The following MGAT5 variants were observed in gnomAD, a reference collection of about 807,000 sequenced individuals.
MGAT5 encodes the protein alpha-1,6-mannosylglycoprotein 6-beta-N-acetylglucosaminyltransferase.
MGAT5 carries 30 observed loss-of-function variants against 94.3 expected under a neutral mutation model. The ratio of observed to expected loss-of-function variants is 0.32; its 90% confidence interval spans 0.24 to 0.43. The LOEUF is 0.43. Among genes scored for constraint, MGAT5 ranks in the 20% least tolerant of loss-of-function variants. The pLI is 1.00. For missense variants in MGAT5, 691 were observed against 905.5 expected (o/e 0.76, Z 3.04); for synonymous variants, 310 against 322.9 (o/e 0.96, Z 0.43).
intron 1 of MGAT5, among the ~76,000 whole-genome samples, chr2:134,147,704 T>C (rs1014519990): frequency 2.4e-4 from 36 of 152,214 alleles, no homozygotes; most frequent in Non-Finnish European, 4.9e-4. Context: ...TCTGAGGTCT[T>C]ACACCCGGTA....
intron 10 of MGAT5, among the ~76,000 whole-genome samples, chr2:134,388,576 C>T (rs1055839562): frequency 2.0e-5 from 3 of 152,102 alleles, no homozygotes; most frequent in East Asian, 3.8e-4. Flanking sequence ...AAGATCCACA[C>T]ATTGTGATTG....
At position 134,451,730 on chromosome 2, in the gene MGAT5, C is replaced by T. The variant is rs946750589; in HGVS notation, c.*2883C>T. Reference sequence around the variant, plus strand: ...ATTTTCCCCATTGTGATCCTAAGCTCTTAAAAAACTTGAGGGAAAACATTC... The same window carrying T: ...ATTTTCCCCATTGTGATCCTAAGCTTTTAAAAAACTTGAGGGAAAACATTC... On this transcript the variant is annotated 3_prime_UTR_variant, in exon 16 of 16. Coordinates refer to ENST00000281923, the MANE Select transcript of MGAT5 (RefSeq NM_002410.5). 1 of 152,158 alleles carries T rather than the reference C, an allele frequency of 6.6e-6. No individual in the cohort carries two copies. The highest frequency in any genetic ancestry group is 1.5e-5 in the Non-Finnish European group (1 of 68,028). 9.4% of individuals were successfully genotyped at this position (152,158 alleles called of 1,614,324 possible).
intron 10 of MGAT5, among the ~76,000 whole-genome samples, chr2:134,366,061 C>A (rs1039381683): frequency 3.3e-5 from 5 of 152,122 alleles, no homozygotes; most frequent in African/African-American, 9.7e-5. Context: ...TCAAATGAGA[C>A]TACTAACAGC....
At chr2:134,163,403 G>C (rs1273907361) in intron 1 of MGAT5, among the ~76,000 whole-genome samples, 4 of 152,162 alleles carry the variant, frequency 2.6e-5, no homozygotes, top group Non-Finnish European at 5.9e-5. Flanking sequence ...TGAAATCAGG[G>C]GAGGGGCATG....
chr2:134,161,056 A>G (rs1687709200), intron 1 of MGAT5, among the ~76,000 whole-genome samples: 1 of 152,202 alleles, frequency 6.6e-6, no homozygotes. Flanking sequence ...AAGGTGGTGG[A>G]AGGAGGTGAA....
Position 134,443,607 on chromosome 2 carries a change from C to T in MGAT5, c.2027+1692C>T, listed in dbSNP as rs531162665. ...CAAAAGTGGGGGCTTGGGGCGGCAC[C>T]CTGCTCTGCCACCAGGCAAGCTTTA... On this transcript the variant is annotated intron_variant, in intron 15 of 15. Coordinates refer to ENST00000281923, the MANE Select transcript of MGAT5 (RefSeq NM_002410.5). 4.6e-5 allele frequency among the ~76,000 whole-genome samples: 7 copies of T among 152,300 alleles called. No homozygotes were observed. In the South Asian group the frequency reaches 1.5e-3, roughly 32 times the overall value.
upstream of MGAT5, among the ~76,000 whole-genome samples, chr2:134,249,852 C>T (rs1001636598): frequency 6.6e-5 from 10 of 152,354 alleles, no homozygotes; most frequent in African/African-American, 2.4e-4. Context: ...TTATTTCCCA[C>T]ACTGGCTGCG....
At chr2:134,302,851 CTCTG>C (rs928015818) in intron 2 of MGAT5, among the ~76,000 whole-genome samples, 3 of 151,422 alleles carry the variant, frequency 2.0e-5, no homozygotes, top group African/African-American at 7.3e-5. Context: ...TCTTGTTTTT[CTCTG>C]TCTGCTTTCA....
intron 9 of MGAT5, among the ~76,000 whole-genome samples, chr2:134,350,579 TCTTA>T (rs1679318283): frequency 6.6e-6 from 1 of 152,158 alleles, no homozygotes; most frequent in Non-Finnish European, 1.5e-5. Flanking sequence ...GATGCTAGGC[TCTTA>T]GACATTTTCT....
intron 5 of MGAT5, 124 bp downstream of exon 5, chr2:134,336,412 T>C: frequency 1.3e-6 from 1 of 751,118 alleles, no homozygotes; most frequent in South Asian, 1.8e-5. Flanking sequence ...AAAACTTCTG[T>C]ATTCGTCTCT....
intron 10 of MGAT5, among the ~76,000 whole-genome samples, chr2:134,386,497 A>C (rs1479757141): frequency 1.3e-5 from 2 of 152,242 alleles, no homozygotes; most frequent in African/African-American, 4.8e-5. Flanking sequence ...GTCTGTTATT[A>C]GGGACTCCAG....
At chr2:134,382,023 A>T (rs1482305003) in intron 10 of MGAT5, among the ~76,000 whole-genome samples, 1 of 152,138 alleles carries the variant, frequency 6.6e-6, no homozygotes, top group Non-Finnish European at 1.5e-5. Context: ...CCCATTCTTA[A>T]TGCTACCCCT....
intron 1 of MGAT5, among the ~76,000 whole-genome samples, chr2:134,247,360 A>T (rs12468130): frequency 2.7e-5 from 1 of 36,680 alleles, no homozygotes; most frequent in African/African-American, 9.1e-5. Context: ...GGCCTGAATT[A>T]AAAAAAAAAA....
intron 7 of MGAT5, among the ~76,000 whole-genome samples, chr2:134,343,342 G>T (rs1176597066): frequency 6.6e-6 from 1 of 152,112 alleles, no homozygotes; most frequent in Non-Finnish European, 1.5e-5. Flanking sequence ...TGAAGGAAAT[G>T]ACTTTATTGG....
chr2:134,332,889 C>T (rs1483697398), intron 4 of MGAT5, among the ~76,000 whole-genome samples: 18 of 151,992 alleles, frequency 1.2e-4, no homozygotes, highest in African/African-American at 3.9e-4. Flanking sequence ...AATGAGATAC[C>T]ATCTCCTACC....
intron 1 of MGAT5, among the ~76,000 whole-genome samples, chr2:134,166,121 C>G (rs1246607968): frequency 6.6e-6 from 1 of 152,128 alleles, no homozygotes. Context: ...TTGCTCCTTT[C>G]CTTCATAGCC....
intron 1 of MGAT5, among the ~76,000 whole-genome samples, chr2:134,136,613 T>C (rs529186711): frequency 6.6e-6 from 1 of 152,254 alleles, no homozygotes; most frequent in South Asian, 2.1e-4. Flanking sequence ...AAAAAATATT[T>C]TGGTAACAGT....
In MGAT5 at chr2:134,254,734, T is replaced by C. The variant is rs1682826012; in HGVS notation, c.241+90T>C. ...TCCCAGATATGGTCTTGTCATGGAC[T>C]GAATGTCCTTTGCCACTGCCTTCAT... On this transcript the variant is annotated intron_variant, in intron 1 of 15. Coordinates refer to ENST00000281923, the MANE Select transcript of MGAT5 (RefSeq NM_002410.5). 7 of 1,512,558 alleles carry C rather than the reference T, an allele frequency of 4.6e-6. No individual in the cohort carries two copies. In the South Asian group the frequency reaches 8.9e-5, roughly 19 times the overall value. 93.7% of individuals were successfully genotyped at this position (1,512,558 alleles called of 1,614,324 possible). A position where few individuals can be genotyped will look rare whatever the true frequency, so the allele number is the denominator to read the frequency against.
chr2:134,425,893 C>T (rs1329481281), intron 13 of MGAT5, among the ~76,000 whole-genome samples: 1 of 136,672 alleles, frequency 7.3e-6, no homozygotes, highest in East Asian at 2.1e-4. Flanking sequence ...GAGTAACAGT[C>T]CTTTTTTTTT....
Sources: allele counts gnomAD v4.1 joint callset (sites outside exome capture counted in the v4.1 genomes callset), GRCh38; gene constraint gnomAD v4.1.1; transcripts MANE v1.5; gene names NCBI Gene and HGNC (gene_info 2026-07-23, HGNC 2026-07-21).